The following SORCS3 variants were observed in gnomAD, a reference collection of about 807,000 sequenced individuals.
SORCS3 encodes the protein sortilin related VPS10 domain containing receptor 3, also known as VPS10 domain-containing receptor SorCS3.
SORCS3 carries 57 observed loss-of-function variants against 146.3 expected under a neutral mutation model. That is an observed-to-expected ratio of 0.39 (90% CI 0.31 to 0.49). The LOEUF (loss-of-function observed/expected upper bound fraction) is 0.49, where lower values mean the gene tolerates loss of function less well. SORCS3 is among the 20% of genes least tolerant of loss of function. The pLI is 0.92. For synonymous variants in SORCS3, 653 were observed against 618.5 expected, an observed-to-expected ratio of 1.06 and a Z score of -0.83; for missense variants, 1,341 against 1,575.5, an observed-to-expected ratio of 0.85 and a Z score of 2.52.
At chr10:105,133,501 T>C (rs575774108) in intron 7 of SORCS3, among the ~76,000 whole-genome samples, 3 of 152,328 alleles carry the variant, frequency 2.0e-5, no homozygotes, top group African/African-American at 4.8e-5. Context: ...GCTGTAACAA[T>C]GAAAGGCTAT....
intron 2 of SORCS3, among the ~76,000 whole-genome samples, chr10:104,863,972 T>A (rs2133562827): frequency 6.6e-6 from 1 of 152,282 alleles, no homozygotes; most frequent in African/African-American, 2.4e-5. Context: ...AAAGGGACAT[T>A]TCCAGGAGAT....
chr10:105,216,019 A>G, intron 18 of SORCS3, among the ~76,000 whole-genome samples: 1 of 152,104 alleles, frequency 6.6e-6, no homozygotes, highest in Non-Finnish European at 1.5e-5. Flanking sequence ...GAGGTTCAGC[A>G]TAGACCCTTA....
chr10:105,005,117 T>C (rs1228152326), intron 4 of SORCS3, among the ~76,000 whole-genome samples: 1 of 152,212 alleles, frequency 6.6e-6, no homozygotes, highest in Non-Finnish European at 1.5e-5. Flanking sequence ...ACAAGATTGC[T>C]AATTATATGA....
chr10:104,998,871 C>T (rs1279405009), intron 4 of SORCS3, among the ~76,000 whole-genome samples: 1 of 152,124 alleles, frequency 6.6e-6, no homozygotes, highest in African/African-American at 2.4e-5. Context: ...GTTCGGACTC[C>T]ATTTGCAATT....
At chr10:105,255,112 C>CG (rs1185105079) in intron 23 of SORCS3, among the ~76,000 whole-genome samples, 4 of 135,968 alleles carry the variant, frequency 2.9e-5, no homozygotes, top group Non-Finnish European at 6.1e-5. Flanking sequence ...GGCGTGAACC[C>CG]GGGGGGGCGG....
intron 6 of SORCS3, among the ~76,000 whole-genome samples, chr10:105,092,462 T>C (rs2055716878): frequency 1.3e-5 from 2 of 152,140 alleles, no homozygotes; most frequent in African/African-American, 4.8e-5. Flanking sequence ...ATCTAGTAAA[T>C]TGTCCCTAAC....
chr10:105,039,995 G>T (rs2055329434), intron 4 of SORCS3, among the ~76,000 whole-genome samples: 1 of 152,132 alleles, frequency 6.6e-6, no homozygotes, highest in South Asian at 2.1e-4. Context: ...TTGGTACTTT[G>T]CTATGTTTGG....
chr10:104,956,473 T>C (rs1057021616), intron 3 of SORCS3, among the ~76,000 whole-genome samples: 6 of 152,222 alleles, frequency 3.9e-5, no homozygotes, highest in Admixed American at 1.3e-4. Context: ...GGAAACACCA[T>C]GGGACATGGA....
intron 3 of SORCS3, among the ~76,000 whole-genome samples, chr10:104,924,167 C>T (rs376720359): frequency 6.8e-4 from 104 of 152,242 alleles, no homozygotes; most frequent in African/African-American, 2.3e-3. Flanking sequence ...CATATTGGAG[C>T]TTAAAGGGCT....
chr10:104,799,866 C>T (rs1238003193), intron 1 of SORCS3, among the ~76,000 whole-genome samples: 2 of 151,946 alleles, frequency 1.3e-5, no homozygotes, highest in South Asian at 2.1e-4. Flanking sequence ...TTAGTAGAGG[C>T]GAGGTTTCAT....
chr10:104,796,805 A>T (rs1291790828), intron 1 of SORCS3, among the ~76,000 whole-genome samples: 2 of 152,204 alleles, frequency 1.3e-5, no homozygotes, highest in East Asian at 3.8e-4. Context: ...TCTGGGGCAG[A>T]GGCAGACCAC....
chr10:105,125,172 ACT>A (rs2055964531), intron 7 of SORCS3, among the ~76,000 whole-genome samples: 1 of 151,962 alleles, frequency 6.6e-6, no homozygotes, highest in African/African-American at 2.4e-5. Flanking sequence ...TACAAGAAAC[ACT>A]CTCATTCTCA....
At chr10:104,659,118 T>C (rs1031341423) in intron 1 of SORCS3, among the ~76,000 whole-genome samples, 25 of 152,218 alleles carry the variant, frequency 1.6e-4, no homozygotes, top group Non-Finnish European at 2.9e-4. Context: ...CTCATACTCA[T>C]GTTGTGATTT....
chr10:105,041,477 A>G (rs2055338123), intron 4 of SORCS3, among the ~76,000 whole-genome samples: 1 of 149,590 alleles, frequency 6.7e-6, no homozygotes, highest in African/African-American at 2.4e-5. Context: ...ATGTACATAT[A>G]TAACTATATA....
chr10:105,180,554 A>T (rs893429781), intron 14 of SORCS3, among the ~76,000 whole-genome samples: 1 of 152,212 alleles, frequency 6.6e-6, no homozygotes, highest in African/African-American at 2.4e-5. Context: ...TTTGACCTGT[A>T]TCCAGAGTGA....
At chr10:104,981,848 C>T (rs148634697) in intron 4 of SORCS3, among the ~76,000 whole-genome samples, 3 of 152,106 alleles carry the variant, frequency 2.0e-5, no homozygotes, top group Admixed American at 1.3e-4. Flanking sequence ...TCTCTAATAC[C>T]GTTTATATTC....
At chr10:104,810,354 A>G (rs2017726879) in intron 1 of SORCS3, among the ~76,000 whole-genome samples, 1 of 152,184 alleles carries the variant, frequency 6.6e-6, no homozygotes, top group Non-Finnish European at 1.5e-5. Flanking sequence ...TTATATAAAG[A>G]TTTATATTTA....
intron 4 of SORCS3, among the ~76,000 whole-genome samples, chr10:104,978,415 A>G (rs1337920952): frequency 6.6e-6 from 1 of 152,212 alleles, no homozygotes; most frequent in Non-Finnish European, 1.5e-5. Flanking sequence ...CTGCATACAT[A>G]GCATTGTCTG....
chr10:105,253,002 T>C (rs959167516), intron 23 of SORCS3, 96 bp downstream of exon 23: 23 of 1,424,858 alleles, frequency 1.6e-5, no homozygotes, highest in South Asian at 2.7e-5. Context: ...ACAGGCTCTC[T>C]TCCATTACCC....
Sources: allele counts gnomAD v4.1 joint callset (sites outside exome capture counted in the v4.1 genomes callset), GRCh38; gene constraint gnomAD v4.1.1; transcripts MANE v1.5; gene names NCBI Gene and HGNC (gene_info 2026-07-23, HGNC 2026-07-21).